AMN1: variants seen among roughly 807,000 people sequenced by gnomAD.
AMN1 encodes the protein antagonist of mitotic exit network 1 homolog.
AMN1 carries 20 observed loss-of-function variants against 33.0 expected under a neutral mutation model. The observed-to-expected ratio is 0.61, with a 90% CI of 0.43 to 0.88. The LOEUF (loss-of-function observed/expected upper bound fraction) is 0.88, where lower values mean the gene tolerates loss of function less well. AMN1 is among the 40% of genes least tolerant of loss of function. AMN1 has a pLI of 0.00. For missense variants in AMN1, 246 were observed against 307.4 expected (o/e 0.80, Z 1.49); for synonymous variants, 114 against 111.9 (o/e 1.02, Z -0.12).
chr12:31,681,213 A>G (rs1429659801), intron 6 of AMN1, among the ~76,000 whole-genome samples: 1 of 151,758 alleles, frequency 6.6e-6, no homozygotes, highest in Admixed American at 6.6e-5. Context: ...TATTGTATGA[A>G]CTCTTGCATT....
chr12:31,696,237 AAAAT>A (rs980209301), intron 5 of AMN1, among the ~76,000 whole-genome samples: 6 of 149,870 alleles, frequency 4.0e-5, no homozygotes, highest in South Asian at 2.1e-4. Context: ...ACTCCGTCTC[AAAAT>A]AAATAAATAA....
intron 1 of AMN1, among the ~76,000 whole-genome samples, chr12:31,723,226 G>A (rs563264971): frequency 4.0e-5 from 6 of 151,852 alleles, no homozygotes; most frequent in Admixed American, 6.6e-5. Flanking sequence ...AAACACACAC[G>A]CACACACACA....
At chr12:31,695,301 G>C (rs936442650) in intron 5 of AMN1, among the ~76,000 whole-genome samples, 2 of 151,972 alleles carry the variant, frequency 1.3e-5, no homozygotes, top group African/African-American at 2.4e-5. Context: ...GTAATTACAA[G>C]ATAATGTTGT....
chr12:31,678,427 C>T (rs566201487), intron 6 of AMN1, among the ~76,000 whole-genome samples: 33 of 150,762 alleles, frequency 2.2e-4, no homozygotes, highest in African/African-American at 7.8e-4. Context: ...GACAGAGTCT[C>T]ACCCTGTCGC....
intron 6 of AMN1, among the ~76,000 whole-genome samples, chr12:31,676,041 A>T (rs994361379): frequency 6.6e-6 from 1 of 151,906 alleles, no homozygotes; most frequent in African/African-American, 2.4e-5. Flanking sequence ...ATGTATTTCT[A>T]TACATCAACA....
chr12:31,720,565 C>T (rs1331548048), intron 1 of AMN1, among the ~76,000 whole-genome samples: 1 of 151,950 alleles, frequency 6.6e-6, no homozygotes, highest in Non-Finnish European at 1.5e-5. Context: ...AAGTCAATCC[C>T]CATTCCTCCT....
chr12:31,675,033 AAAAG>A (rs1271381250), intron 6 of AMN1, among the ~76,000 whole-genome samples: 1 of 151,758 alleles, frequency 6.6e-6, no homozygotes, highest in Non-Finnish European at 1.5e-5. Context: ...AAAAAAAAAA[AAAAG>A]AAACACCAGT....
rs182690789 is a variant in AMN1 at position 31,676,591 on chromosome 12, C to A, written c.704-4214G>T. Among the ~76,000 whole-genome samples the A allele has an allele frequency of 2.8e-3, 408 of 148,238 alleles. 2 individuals carry two copies. Among genetic ancestry groups the A allele is most frequent in the Admixed American group, 4.0e-3 (60 of 14,866 alleles). ...CCCGCCTTGGCCTCCCAAAGTGCTG[C>A]AATTACAGGTGTGAGCCACCGCGCC... is the stretch of plus-strand genomic sequence containing the variant. On this transcript the variant is annotated intron_variant, in intron 6 of 6. Transcript: ENST00000281471.
chr12:31,717,430 C>T (rs1342943048), intron 1 of AMN1, among the ~76,000 whole-genome samples: 1 of 152,206 alleles, frequency 6.6e-6, no homozygotes, highest in African/African-American at 2.4e-5. Context: ...AGCAAACATT[C>T]ATTGTAATAG....
intron 2 of AMN1, among the ~76,000 whole-genome samples, chr12:31,706,311 C>CAAAA (rs3032986): frequency 9.1e-5 from 6 of 65,988 alleles, no homozygotes; most frequent in Admixed American, 1.8e-4. Context: ...GACTCCGTCT[C>CAAAA]AAAAAAAAAA....
chr12:31,709,967 A>G (rs1390419055), intron 1 of AMN1, among the ~76,000 whole-genome samples: 1 of 152,198 alleles, frequency 6.6e-6, no homozygotes, highest in African/African-American at 2.4e-5. Context: ...TCATTTATCA[A>G]AATGCATTTT....
chr12:31,722,150 C>CAA (rs1306980883), intron 1 of AMN1, among the ~76,000 whole-genome samples: 1 of 151,514 alleles, frequency 6.6e-6, no homozygotes, highest in Non-Finnish European at 1.5e-5. Flanking sequence ...CACACACACA[C>CAA]ACACACACAC....
intron 1 of AMN1, among the ~76,000 whole-genome samples, chr12:31,727,456 T>C (rs1364687307): frequency 6.6e-6 from 1 of 152,234 alleles, no homozygotes. Context: ...CCTGGCTTTA[T>C]GTCTCACTAC....
rs180966480 is a variant in AMN1, at chr12:31,685,598, C to T, written c.703+3409G>A. On this transcript the variant is annotated intron_variant, in intron 6 of 6. Transcript: ENST00000281471. ...GGCAGATCACCTGAGGTCAGGAGTT[C>T]GACAACAGCCTGGCCAACATGGTGA... 4.5e-3 allele frequency among the ~76,000 whole-genome samples: 680 copies of T among 151,978 alleles called. 5 individuals are homozygous for T. Among genetic ancestry groups the T allele is most frequent in the Non-Finnish European group, 7.5e-3 (513 of 67,964 alleles).
chr12:31,696,870 G>A (rs1372742768), intron 5 of AMN1, among the ~76,000 whole-genome samples: 3 of 150,748 alleles, frequency 2.0e-5, no homozygotes, highest in Non-Finnish European at 4.4e-5. Flanking sequence ...CCAGTGAGCC[G>A]AGATTATGCC....
intron 1 of AMN1, among the ~76,000 whole-genome samples, chr12:31,725,753 T>C (rs1055665695): frequency 1.3e-5 from 2 of 152,232 alleles, no homozygotes; most frequent in Non-Finnish European, 2.9e-5. Flanking sequence ...TGGAGTGCAG[T>C]AGCACCATCT....
At chr12:31,701,802 C>A in intron 3 of AMN1, 61 bp downstream of exon 3, 1 of 1,431,142 alleles carries the variant, frequency 7.0e-7, no homozygotes, top group Non-Finnish European at 9.3e-7. Context: ...CTCCCTTACT[C>A]CACAATTTTA....
intron 1 of AMN1, chr12:31,714,681 C>T (rs1201853803): frequency 6.5e-6 from 1 of 152,828 alleles, no homozygotes; most frequent in Non-Finnish European, 1.5e-5. Flanking sequence ...TGCAAATAAA[C>T]ATTTGAAAGA....
intron 3 of AMN1, among the ~76,000 whole-genome samples, chr12:31,701,064 A>G (rs556895017): frequency 1.3e-5 from 2 of 150,792 alleles, no homozygotes; most frequent in South Asian, 2.1e-4. Flanking sequence ...CAATGGCACA[A>G]TCTCAGCTCA....
Sources: gnomAD v4.1 joint callset for allele counts (sites outside exome capture counted in the v4.1 genomes callset) on GRCh38, gnomAD v4.1.1 for gene constraint, MANE v1.5 for transcripts, NCBI Gene and HGNC (gene_info 2026-07-23, HGNC 2026-07-21) for gene names.